Variants in MAGI2 observed in about 807,000 individuals in gnomAD.
MAGI2 encodes the protein membrane-associated guanylate kinase, WW and PDZ domain-containing protein 2.
Under a neutral mutation model 133.3 loss-of-function variants are expected in MAGI2, and 35 were observed. That is an observed-to-expected ratio of 0.26 (90% CI 0.20 to 0.35). The LOEUF (loss-of-function observed/expected upper bound fraction) is 0.35, where lower values mean the gene tolerates loss of function less well. Ranked by LOEUF, MAGI2 falls within the 10% of genes least tolerant of loss-of-function variation. The pLI, the probability that MAGI2 is intolerant of heterozygous loss-of-function variation, is 1.00. For synonymous variants in MAGI2, 729 were observed against 710.6 expected (o/e 1.03, Z -0.41); for missense variants, 1,636 against 1,863.4 (o/e 0.88, Z 2.25).
chr7:78,629,374 T>C (rs1808720036), intron 2 of MAGI2, among the ~76,000 whole-genome samples: 2 of 152,154 alleles, frequency 1.3e-5, no homozygotes, highest in African/African-American at 4.8e-5. Context: ...ACCTCCATCT[T>C]TGACATCAGT....
intron 10 of MAGI2, among the ~76,000 whole-genome samples, chr7:78,208,076 G>C (rs1787288654): frequency 6.7e-6 from 1 of 149,208 alleles, no homozygotes; most frequent in Non-Finnish European, 1.5e-5. Flanking sequence ...CACTATCTTG[G>C]CCAGGCTGGT....
rs11461411 is a variant in MAGI2 at position 79,326,660 on chromosome 7, A to ATTT, written c.301+126357_301+126359dup. ...AAATTGAGTTCAGTGTCAGTGATAC[A>ATTT]TTTTTTTTTTTTTCAGATACTATGT... On this transcript the variant is annotated intron_variant, in intron 1 of 21. Transcript: ENST00000354212. Among the ~76,000 whole-genome samples, 693 of 148,924 alleles carry ATTT rather than the reference A, an allele frequency of 4.7e-3. 3 individuals carry two copies. Among genetic ancestry groups the ATTT allele is most frequent in the African/African-American group, 0.016 (653 of 40,654 alleles).
chr7:78,381,555 T>C (rs1041068372), intron 6 of MAGI2, among the ~76,000 whole-genome samples: 4 of 151,908 alleles, frequency 2.6e-5, no homozygotes, highest in South Asian at 4.2e-4. Flanking sequence ...TTGTAACATA[T>C]CAGTGATAAA....
At chr7:78,126,253 G>A (rs537015434) in intron 19 of MAGI2, among the ~76,000 whole-genome samples, 2 of 151,398 alleles carry the variant, frequency 1.3e-5, no homozygotes, top group Admixed American at 6.6e-5. Context: ...GATTAGAAAA[G>A]TAAAATTTAG....
chr7:78,275,973 T>C (rs1795021597), intron 9 of MAGI2, among the ~76,000 whole-genome samples: 1 of 152,230 alleles, frequency 6.6e-6, no homozygotes, highest in African/African-American at 2.4e-5. Flanking sequence ...TAAACAGTAA[T>C]CAATGACTGT....
intron 1 of MAGI2, among the ~76,000 whole-genome samples, chr7:79,008,222 T>G (rs928771177): frequency 6.6e-6 from 1 of 152,108 alleles, no homozygotes; most frequent in Non-Finnish European, 1.5e-5. Context: ...TCTGCAATAA[T>G]CATAAAATTA....
chr7:78,168,104 A>C lies in MAGI2; in HGVS notation c.2408T>G (p.Leu803Trp). ...LGGDEPGQPI[L>W]IGAVIAMGSA... ...GCCCATGGCAATGACAGCTCCAATCAAAATCTAGAGAAGCAGTGAGAAGGA... is the reference window on the plus strand; with the variant it reads ...GCCCATGGCAATGACAGCTCCAATCCAAATCTAGAGAAGCAGTGAGAAGGA... Residue 803 changes from leucine to tryptophan, a missense_variant, in exon 15 of 22, where the codon TTG (leucine) becomes TGG (tryptophan). Physicochemically the swap from Leu to Trp is moderately conservative, Grantham distance 61 (BLOSUM62 -2). This residue lies in a region of MAGI2 where 920 missense variants were observed against 1,093.5 expected (regional missense o/e 0.84). Transcript: ENST00000354212. 1 of 1,613,422 alleles carries C rather than the reference A, an allele frequency of 6.2e-7. No individual in the cohort carries two copies. Among genetic ancestry groups the C allele is most frequent in the Non-Finnish European group, 8.5e-7 (1 of 1,179,680 alleles).
chr7:78,294,799 G>GTCTT (rs1797067973), intron 9 of MAGI2, among the ~76,000 whole-genome samples: 1 of 152,126 alleles, frequency 6.6e-6, no homozygotes, highest in African/African-American at 2.4e-5. Flanking sequence ...GGAACTTACA[G>GTCTT]TCTTTGATTT....
intron 2 of MAGI2, among the ~76,000 whole-genome samples, chr7:78,684,090 G>A (rs1223352089): frequency 1.3e-5 from 2 of 152,094 alleles, no homozygotes; most frequent in Non-Finnish European, 2.9e-5. Context: ...GACTGGCTAA[G>A]CCCAATATAG....
intron 9 of MAGI2, among the ~76,000 whole-genome samples, chr7:78,272,335 T>G (rs1259940520): frequency 6.6e-6 from 1 of 152,218 alleles, no homozygotes; most frequent in Non-Finnish European, 1.5e-5. Flanking sequence ...TCTTTTGTAT[T>G]TGCTGAGGAG....
intron 2 of MAGI2, among the ~76,000 whole-genome samples, chr7:78,840,050 A>G (rs1028244196): frequency 6.6e-6 from 1 of 152,044 alleles, no homozygotes; most frequent in Non-Finnish European, 1.5e-5. Flanking sequence ...CAAAAGTGTA[A>G]TTAGTAATTT....
intron 1 of MAGI2, among the ~76,000 whole-genome samples, chr7:79,238,410 C>T (rs1401808852): frequency 1.3e-5 from 2 of 152,138 alleles, no homozygotes; most frequent in East Asian, 3.9e-4. Flanking sequence ...CTTCCTGGGA[C>T]CCTTCCATTT....
chr7:79,129,588 T>A (rs1267214020), intron 1 of MAGI2, among the ~76,000 whole-genome samples: 1 of 152,188 alleles, frequency 6.6e-6, no homozygotes, highest in Non-Finnish European at 1.5e-5. Context: ...AGAACTAGTT[T>A]AAGTTTGCTT....
intron 2 of MAGI2, among the ~76,000 whole-genome samples, chr7:79,004,761 T>C (rs1279570926): frequency 6.6e-6 from 1 of 152,068 alleles, no homozygotes; most frequent in Non-Finnish European, 1.5e-5. Context: ...TCAAAAAAGA[T>C]ACAGGAAGAA....
At chr7:79,036,011 T>C (rs917893405) in intron 1 of MAGI2, among the ~76,000 whole-genome samples, 1 of 152,198 alleles carries the variant, frequency 6.6e-6, no homozygotes, top group Non-Finnish European at 1.5e-5. Context: ...CATACAGATA[T>C]GCGCAAAGCA....
At chr7:79,298,661 T>G (rs1837137422) in intron 1 of MAGI2, among the ~76,000 whole-genome samples, 1 of 152,004 alleles carries the variant, frequency 6.6e-6, no homozygotes, top group Non-Finnish European at 1.5e-5. Flanking sequence ...CTAAATTGTG[T>G]CCCCCCAAAA....
At chr7:78,888,515 C>T (rs1433477344) in intron 2 of MAGI2, among the ~76,000 whole-genome samples, 1 of 152,188 alleles carries the variant, frequency 6.6e-6, no homozygotes, top group Non-Finnish European at 1.5e-5. Flanking sequence ...TGGCCGGGTA[C>T]TCCTCTGAGA....
intron 1 of MAGI2, among the ~76,000 whole-genome samples, chr7:79,022,575 C>A (rs1321847621): frequency 1.3e-5 from 2 of 148,274 alleles, no homozygotes; most frequent in African/African-American, 2.5e-5. Flanking sequence ...AAAACATAAA[C>A]CTTCTTTGAA....
intron 6 of MAGI2, among the ~76,000 whole-genome samples, chr7:78,466,434 C>A (rs1790641349): frequency 6.6e-6 from 1 of 152,028 alleles, no homozygotes; most frequent in Non-Finnish European, 1.5e-5. Context: ...CAAATTTGTC[C>A]CAAAGGAGAA....
Sources: gnomAD v4.1 joint callset for allele counts (sites outside exome capture counted in the v4.1 genomes callset) on GRCh38, gnomAD v4.1.1 for gene constraint, gnomAD v4.1.1 regional missense constraint, MANE v1.5 for transcripts, NCBI Gene and HGNC (gene_info 2026-07-23, HGNC 2026-07-21) for gene names.